PANK2: variants seen among roughly 807,000 people sequenced by gnomAD.
PANK2 encodes pantothenate kinase 2, mitochondrial.
A neutral mutation model predicts 43.1 loss-of-function variants in PANK2; 36 were observed. The ratio of observed to expected loss-of-function variants is 0.84; its 90% CI spans 0.64 to 1.10. The LOEUF is 1.10. Among genes scored for constraint, PANK2 ranks in the 50% least tolerant of loss-of-function variants. The probability of loss-of-function intolerance (pLI) is 0.00; values close to 1 mark genes in which losing one functional copy is unlikely to be tolerated. For missense variants in PANK2, 576 were observed against 593.3 expected (o/e 0.97, Z 0.30); for synonymous variants, 281 against 238.2 (o/e 1.18, Z -1.66).
At chr20:3,897,088 G>A (rs1314503631) in intron 1 of PANK2, among the ~76,000 whole-genome samples, 2 of 152,200 alleles carry the variant, frequency 1.3e-5, no homozygotes, top group African/African-American at 4.8e-5. Flanking sequence ...CACCCAGCTG[G>A]TGAGTGCTGC....
At chr20:3,909,300 G>A (rs1407636799) in intron 2 of PANK2, among the ~76,000 whole-genome samples, 6 of 152,034 alleles carry the variant, frequency 3.9e-5, no homozygotes, top group Non-Finnish European at 8.8e-5. Context: ...GGCTGGTCTC[G>A]AACTCCTGAT....
intron 6 of PANK2, chr20:3,921,439 TTC>T (rs2090645708): frequency 6.6e-6 from 1 of 152,202 alleles, no homozygotes; most frequent in South Asian, 2.1e-4. Context: ...AACCACCTGT[TTC>T]TGTCTTGATA....
rs1267544458 is a variant in PANK2, at chr20:3,928,813, C to G, written c.*5519C>G. On this transcript the variant is annotated 3_prime_UTR_variant, in exon 7 of 7. Coordinates refer to ENST00000610179, the MANE Select transcript of PANK2 (RefSeq NM_001386393.1). ...GTAATTTCTGTTGTCAAATGGAAAACAAGGCATAAAGGGAAAATTCTGTAG... is the reference window on the plus strand; with the variant it reads ...GTAATTTCTGTTGTCAAATGGAAAAGAAGGCATAAAGGGAAAATTCTGTAG... 1.0e-5 allele frequency: 1 copy of G among 98,034 alleles called. No individual in the cohort carries two copies. The highest frequency in any genetic ancestry group is 3.1e-4 in the East Asian group (1 of 3,176). The allele number at this position is 98,034 out of a possible 1,614,324, so 6.1% of individuals were successfully genotyped here.
intron 3 of PANK2, 69 bp from the exon 4 acceptor site, chr20:3,912,389 A>C: frequency 6.5e-7 from 1 of 1,546,598 alleles, no homozygotes; most frequent in Non-Finnish European, 8.9e-7. Context: ...TTTGGGGTTC[A>C]TAAATGTTAA....
chr20:3,889,478 G>C lies in PANK2; in HGVS notation c.48G>C (p.Gly16=). 3 of 1,495,022 alleles carry C rather than the reference G, an allele frequency of 2.0e-6. No homozygotes were observed. The highest frequency in any genetic ancestry group is 2.7e-6 in the Non-Finnish European group (3 of 1,131,698). 92.6% of individuals were successfully genotyped at this position (1,495,022 alleles called of 1,614,324 possible). The change falls in exon 1 of 7, where the codon GGG becomes GGC. Residue 16 remains glycine, a synonymous_variant. Coordinates refer to ENST00000610179, the MANE Select transcript of PANK2 (RefSeq NM_001386393.1). ...AGCGACTGCTGCTGCGGATGGGAGG[G>C]GGCCGGCTCGGCGCGCCCATGGAGC... is the stretch of plus-strand genomic sequence containing the variant.
upstream of PANK2, chr20:3,888,981 A>T: frequency 6.5e-6 from 5 of 772,966 alleles, no homozygotes; most frequent in Admixed American, 5.9e-5. Flanking sequence ...GGGCTGGAGG[A>T]GGGCTCGAGC....
intron 1 of PANK2, among the ~76,000 whole-genome samples, chr20:3,902,845 C>G (rs945354792): frequency 6.6e-6 from 1 of 151,740 alleles, no homozygotes; most frequent in African/African-American, 2.4e-5. Context: ...TTAAATATAT[C>G]TGTCAAGTTT....
chr20:3,888,931 C>T, upstream of PANK2: 1 of 586,160 alleles, frequency 1.7e-6, no homozygotes, highest in South Asian at 2.4e-5. Context: ...GCCCTTTCGT[C>T]TGCCGACGAC....
chr20:3,914,000 A>G lies in PANK2; in HGVS notation c.1082+1366A>G, dbSNP rs926818143. On this transcript the variant is annotated intron_variant, in intron 4 of 6. Transcript: ENST00000610179. ...GAGATGGGGTTTCACTATGTTGGCC[A>G]GGATGGTCTCGATCTGCTGACCTCA... 8.0e-4 allele frequency among the ~76,000 whole-genome samples: 121 copies of G among 151,680 alleles called. 1 individual carries two copies. The South Asian group carries it at 9.0e-3, about 11-fold the overall frequency.
In PANK2 at chr20:3,889,402, C is replaced by T. The variant is rs573948434; in HGVS notation, c.-29C>T. Reference sequence around the variant, plus strand: ...GCGCGCCTCTGCTCTGGCTGGACTGCCGCGGAGGAGGCGAGAAGGAATCCG... The same window carrying T: ...GCGCGCCTCTGCTCTGGCTGGACTGTCGCGGAGGAGGCGAGAAGGAATCCG... On this transcript the variant is annotated 5_prime_UTR_variant, in exon 1 of 7. Coordinates refer to ENST00000610179, the MANE Select transcript of PANK2 (RefSeq NM_001386393.1). The T allele has an allele frequency of 1.1e-5, 17 of 1,572,230 alleles. No homozygotes were observed. In the East Asian group the frequency reaches 3.0e-4, roughly 28 times the overall value.
intron 4 of PANK2, among the ~76,000 whole-genome samples, chr20:3,913,775 C>CACATATAT (rs575219677): frequency 8.1e-6 from 1 of 124,010 alleles, no homozygotes; most frequent in Admixed American, 8.5e-5. Flanking sequence ...CACACACACA[C>CACATATAT]ATATATATAT....
chr20:3,900,398 A>G lies in PANK2; in HGVS notation c.299-7528A>G, dbSNP rs755949891. 2.8e-4 allele frequency among the ~76,000 whole-genome samples: 42 copies of G among 151,868 alleles called. 1 individual carries two copies. The highest frequency in any genetic ancestry group is 1.0e-3 in the South Asian group (5 of 4,780). On this transcript the variant is annotated intron_variant, in intron 1 of 6. Coordinates refer to ENST00000610179, the MANE Select transcript of PANK2 (RefSeq NM_001386393.1). The stretch of plus-strand genomic sequence containing the variant: ...GGTCTTGAAACAAGGTATGACCTTT[A>G]CTGTACTATGGCTCTTAAATGTAAA...
chr20:3,896,212 G>T (rs1434488446), intron 1 of PANK2, among the ~76,000 whole-genome samples: 2 of 148,518 alleles, frequency 1.3e-5, no homozygotes, highest in Non-Finnish European at 3.0e-5. Flanking sequence ...ACAGGTGCCC[G>T]CCACCACGCC....
chr20:3,902,122 T>A (rs542818101), intron 1 of PANK2, among the ~76,000 whole-genome samples: 2 of 151,808 alleles, frequency 1.3e-5, no homozygotes, highest in African/African-American at 4.8e-5. Context: ...GGAACTAACA[T>A]AAGATGTTGG....
At position 3,892,287 on chromosome 20, in the gene PANK2, T is replaced by A. The variant is rs549959850; in HGVS notation, c.298+2559T>A. The stretch of plus-strand genomic sequence containing the variant: ...TGAACCTGGGAGGTGGAGGTTGCAG[T>A]GAGCCGAAATTGTGCCAGTGCACTG... On this transcript the variant is annotated intron_variant, in intron 1 of 6. Transcript: ENST00000610179. 4.0e-5 allele frequency among the ~76,000 whole-genome samples: 6 copies of A among 150,548 alleles called. No homozygotes were observed. In the South Asian group the frequency reaches 1.3e-3, roughly 32 times the overall value.
At chr20:3,917,242 G>A (rs1295004338) in intron 5 of PANK2, among the ~76,000 whole-genome samples, 192 bp downstream of exon 5, 1 of 151,246 alleles carries the variant, frequency 6.6e-6, no homozygotes, top group Non-Finnish European at 1.5e-5. Context: ...GATAAACATT[G>A]CTACTTGTCT....
intron 4 of PANK2, among the ~76,000 whole-genome samples, chr20:3,913,883 G>T (rs2090513068): frequency 6.6e-6 from 1 of 150,678 alleles, no homozygotes; most frequent in African/African-American, 2.4e-5. Flanking sequence ...CTAGCTCCTG[G>T]GTTCATGCCA....
At chr20:3,903,390 C>T (rs1021085471) in intron 1 of PANK2, among the ~76,000 whole-genome samples, 2 of 151,128 alleles carry the variant, frequency 1.3e-5, no homozygotes, top group East Asian at 1.9e-4. Flanking sequence ...TCAGGTGATC[C>T]GCCCGCCTTA....
chr20:3,910,640 A>T lies in PANK2; in HGVS notation c.715A>T (p.Ile239Phe). 1 of 1,614,168 alleles carries T rather than the reference A, an allele frequency of 6.2e-7. No homozygotes were observed. The highest frequency in any genetic ancestry group is 8.5e-7 in the Non-Finnish European group (1 of 1,180,020). ...TTGCTTGATCAAAGGAATTTTATAC[A>T]TTGACTCAGTCGGATTCAATGGACG... Residue 239 changes from isoleucine (I) to phenylalanine (F), a missense_variant, in exon 3 of 7, where the codon ATT (isoleucine) becomes TTT (phenylalanine). By Grantham distance (21) the Ile-to-Phe change is conservative. This residue lies in a region of PANK2 where 544 missense variants were observed against 528.9 expected (regional missense o/e 1.03). Transcript: ENST00000610179.
Sources: gnomAD v4.1 joint callset for allele counts (sites outside exome capture counted in the v4.1 genomes callset) on GRCh38, gnomAD v4.1.1 for gene constraint, gnomAD v4.1.1 regional missense constraint, MANE v1.5 for transcripts, NCBI Gene and HGNC (gene_info 2026-07-23, HGNC 2026-07-21) for gene names.